Variants in MSI2 observed in about 807,000 individuals in gnomAD.
MSI2 encodes RNA-binding protein Musashi homolog 2.
MSI2 carries 17 observed loss-of-function variants against 45.6 expected under a neutral mutation model. The ratio of observed to expected loss-of-function variants is 0.37; its 90% CI spans 0.26 to 0.56. The LOEUF (loss-of-function observed/expected upper bound fraction) is 0.56, where lower values mean the gene tolerates loss of function less well. Ranked by LOEUF, MSI2 falls within the 20% of genes least tolerant of loss-of-function variation. The pLI is 0.77. For synonymous variants in MSI2, 156 were observed against 158.2 expected, an observed-to-expected ratio of 0.99 and a Z score of 0.11; for missense variants, 293 against 444.2, an observed-to-expected ratio of 0.66 and a Z score of 3.06.
intron 6 of MSI2, among the ~76,000 whole-genome samples, chr17:57,461,863 CT>C (rs2085236758): frequency 6.6e-6 from 1 of 152,178 alleles, no homozygotes; most frequent in African/African-American, 2.4e-5. Context: ...TCTGCATAAA[CT>C]TTCTTCTCTT....
intron 7 of MSI2, among the ~76,000 whole-genome samples, chr17:57,591,244 G>A (rs1219734672): frequency 1.3e-5 from 2 of 152,114 alleles, no homozygotes; most frequent in East Asian, 1.9e-4. Flanking sequence ...CCTCTTCTAG[G>A]GCAATGAGAA....
At chr17:57,277,588 G>A (rs989725998) in intron 5 of MSI2, among the ~76,000 whole-genome samples, 1 of 152,204 alleles carries the variant, frequency 6.6e-6, no homozygotes, top group African/African-American at 2.4e-5. Flanking sequence ...TGCTGATTAG[G>A]GCTTAAGAGA....
At chr17:57,371,133 T>C (rs887942411) in intron 5 of MSI2, among the ~76,000 whole-genome samples, 4 of 152,060 alleles carry the variant, frequency 2.6e-5, no homozygotes, top group African/African-American at 4.8e-5. Flanking sequence ...CCCCGTAAAA[T>C]AGATACATCT....
At chr17:57,548,220 T>C (rs2087216365) in intron 7 of MSI2, among the ~76,000 whole-genome samples, 1 of 152,170 alleles carries the variant, frequency 6.6e-6, no homozygotes, top group Non-Finnish European at 1.5e-5. Flanking sequence ...CCTGGGTCTC[T>C]CAGATTTCAA....
At chr17:57,447,510 G>A (rs1009380098) in intron 6 of MSI2, among the ~76,000 whole-genome samples, 5 of 152,126 alleles carry the variant, frequency 3.3e-5, no homozygotes, top group Admixed American at 2.6e-4. Flanking sequence ...TGATCCTCCT[G>A]TCACATGAGT....
chr17:57,326,497 C>A (rs1913804836), intron 5 of MSI2, among the ~76,000 whole-genome samples: 1 of 152,198 alleles, frequency 6.6e-6, no homozygotes, highest in Non-Finnish European at 1.5e-5. Flanking sequence ...TGGCCTCTTC[C>A]TACTAAACTG....
chr17:57,586,586 G>A (rs183831651), intron 7 of MSI2, among the ~76,000 whole-genome samples: 5 of 152,056 alleles, frequency 3.3e-5, no homozygotes, highest in Admixed American at 6.5e-5. Flanking sequence ...GATTTGATTC[G>A]GGCAAACTGC....
At chr17:57,593,954 G>A (rs931243946) in intron 7 of MSI2, among the ~76,000 whole-genome samples, 8 of 152,220 alleles carry the variant, frequency 5.3e-5, no homozygotes, top group African/African-American at 1.4e-4. Context: ...TGATCTCCAC[G>A]TCCTTCACAG....
At chr17:57,638,662 G>A (rs1910018314) in intron 10 of MSI2, among the ~76,000 whole-genome samples, 1 of 152,206 alleles carries the variant, frequency 6.6e-6, no homozygotes, top group Non-Finnish European at 1.5e-5. Context: ...GGCCAAGGCG[G>A]GAGGGTTTCT....
chr17:57,652,133 A>G lies in MSI2; in HGVS notation c.762A>G (p.Ala254=). The stretch of plus-strand genomic sequence containing the variant: ...CAGCGGCTTATGGACCAGTGGCAGC[A>G]GCGGCGGTGGCGGCAGCAAGAGGAT... ...FPAAAYGPVA[A]AAVAAARGSG... Residue 254 remains alanine (A), a synonymous_variant, in exon 11 of 14, where the codon GCA becomes GCG. Coordinates refer to ENST00000284073, the MANE Select transcript of MSI2 (RefSeq NM_138962.4). The surrounding 1 kb of genome is among the most constrained non-coding windows in gnomAD (Gnocchi z 4.1). 1 of 1,614,126 alleles carries G rather than the reference A, an allele frequency of 6.2e-7. No individual in the cohort carries two copies. The highest frequency in any genetic ancestry group is 1.1e-5 in the South Asian group (1 of 91,076).
chr17:57,567,939 A>G (rs1249052747), intron 7 of MSI2, among the ~76,000 whole-genome samples: 2 of 152,210 alleles, frequency 1.3e-5, no homozygotes, highest in Non-Finnish European at 2.9e-5. Context: ...AACCTTTGCA[A>G]GAGTAGTATT....
intron 5 of MSI2, among the ~76,000 whole-genome samples, chr17:57,395,942 G>A (rs2083880754): frequency 6.6e-6 from 1 of 152,202 alleles, no homozygotes; most frequent in African/African-American, 2.4e-5. Flanking sequence ...CAATGGGGAG[G>A]ATGAACTAGA....
chr17:57,511,037 G>T (rs1317743466), intron 6 of MSI2, among the ~76,000 whole-genome samples: 1 of 146,748 alleles, frequency 6.8e-6, no homozygotes, highest in African/African-American at 2.8e-5. Context: ...AGAAACTCCA[G>T]GGGTATCAGT....
intron 5 of MSI2, among the ~76,000 whole-genome samples, chr17:57,332,292 G>A (rs1248920121): frequency 3.3e-5 from 5 of 152,140 alleles, no homozygotes; most frequent in Non-Finnish European, 2.9e-5. Context: ...GTAGAGATGG[G>A]GTTTCTCCAT....
chr17:57,392,170 A>C (rs1277724946), intron 5 of MSI2, among the ~76,000 whole-genome samples: 1 of 152,170 alleles, frequency 6.6e-6, no homozygotes, highest in Non-Finnish European at 1.5e-5. Flanking sequence ...TCATCTCTCT[A>C]CCTTTGTCGG....
the MSI2 span, among the ~76,000 whole-genome samples, chr17:57,698,231 C>A: frequency 1.3e-5 from 2 of 152,230 alleles, no homozygotes; most frequent in Admixed American, 6.5e-5. Flanking sequence ...GCAGGAACAG[C>A]TCTGCCTGTT....
chr17:57,408,266 T>G (rs934739152), intron 6 of MSI2, among the ~76,000 whole-genome samples: 7 of 152,372 alleles, frequency 4.6e-5, no homozygotes, highest in Admixed American at 2.0e-4. Flanking sequence ...ATATAAAATA[T>G]AGCCAGCTGT....
intron 6 of MSI2, among the ~76,000 whole-genome samples, chr17:57,414,649 G>C (rs2084260623): frequency 1.3e-5 from 2 of 152,098 alleles, no homozygotes; most frequent in Non-Finnish European, 2.9e-5. Flanking sequence ...ATCTGCCCGT[G>C]TTGGCCTCCC....
intron 5 of MSI2, among the ~76,000 whole-genome samples, chr17:57,308,254 T>C (rs1262468588): frequency 1.3e-5 from 2 of 152,190 alleles, no homozygotes; most frequent in Non-Finnish European, 2.9e-5. Context: ...CTACTCCTGA[T>C]ACCACCACCG....
Sources: gnomAD v4.1 joint callset for allele counts (sites outside exome capture counted in the v4.1 genomes callset) on GRCh38, gnomAD v4.1.1 for gene constraint, Gnocchi (gnomAD v3.1) non-coding constraint, MANE v1.5 for transcripts, NCBI Gene and HGNC (gene_info 2026-07-23, HGNC 2026-07-21) for gene names.